The following POLD3 variants were observed in gnomAD, a reference collection of about 807,000 sequenced individuals.
POLD3 encodes the protein DNA polymerase delta subunit 3.
In POLD3, 19 loss-of-function variants were observed where a neutral mutation model predicts 58.2. That is an observed-to-expected ratio of 0.33 (90% CI 0.23 to 0.48). The LOEUF is 0.48. Among genes scored for constraint, POLD3 ranks in the 20% least tolerant of loss-of-function variants. The probability of loss-of-function intolerance (pLI) is 0.99; values close to 1 mark genes in which losing one functional copy is unlikely to be tolerated. For synonymous variants in POLD3, 172 were observed against 193.5 expected (o/e 0.89, Z 0.92); for missense variants, 504 against 545.5 (o/e 0.92, Z 0.76).
chr11:74,598,897 G>GCTCTCA (rs1390661751), intron 2 of POLD3, among the ~76,000 whole-genome samples: 1 of 152,142 alleles, frequency 6.6e-6, no homozygotes, highest in African/African-American at 2.4e-5. Flanking sequence ...TTCTCAATGA[G>GCTCTCA]AGAATGTAGA....
intron 11 of POLD3, among the ~76,000 whole-genome samples, chr11:74,637,436 T>C (rs2032780950): frequency 2.0e-4 from 1 of 4,910 alleles, no homozygotes; most frequent in Admixed American, 2.0e-3. Context: ...TTTTTCTTCC[T>C]TTTTTTTTTT....
At chr11:74,666,255 C>T (rs969026563) in intron 4 of POLD3, among the ~76,000 whole-genome samples, 1 of 152,246 alleles carries the variant, frequency 6.6e-6, no homozygotes, top group Non-Finnish European at 1.5e-5. Context: ...CAGTGGTTCA[C>T]ACCTCTAATC....
At chr11:74,653,119 T>G (rs1440265388) in intron 4 of POLD3, among the ~76,000 whole-genome samples, 1 of 152,234 alleles carries the variant, frequency 6.6e-6, no homozygotes, top group Non-Finnish European at 1.5e-5. Context: ...TTTTGTTGTT[T>G]CCTTCTGGAG....
intron 4 of POLD3, among the ~76,000 whole-genome samples, chr11:74,657,126 G>A (rs749252656): frequency 3.1e-4 from 47 of 151,470 alleles, no homozygotes; most frequent in Non-Finnish European, 5.3e-4. Flanking sequence ...CCATTCGCAT[G>A]GAATATTTTT....
intron 9 of POLD3, 144 bp from the exon 10 acceptor site, chr11:74,634,439 A>G (rs1311482697): frequency 2.5e-5 from 13 of 524,152 alleles, no homozygotes; most frequent in South Asian, 1.9e-4. Context: ...AGATAACTAT[A>G]TAACTACAGA....
chr11:74,644,850 G>A (rs143716359), downstream of POLD3, among the ~76,000 whole-genome samples: 4 of 152,188 alleles, frequency 2.6e-5, no homozygotes, highest in Admixed American at 2.0e-4. Context: ...TCATTCTTTT[G>A]GTGTTTTAGG....
rs2032934658 is a variant in POLD3 at position 74,642,325 on chromosome 11, A to G, written c.*1559A>G. 1 of 985,364 alleles carries G rather than the reference A, an allele frequency of 1.0e-6. No individual in the cohort carries two copies. The highest frequency in any genetic ancestry group is 1.7e-5 in the African/African-American group (1 of 57,358). The allele number at this position is 985,364 out of a possible 1,614,324, so 61.0% of individuals were successfully genotyped here. A position where few individuals can be genotyped will look rare whatever the true frequency, so the allele number is the denominator to read the frequency against. On this transcript the variant is annotated 3_prime_UTR_variant, in exon 12 of 12. Coordinates refer to ENST00000263681, the MANE Select transcript of POLD3 (RefSeq NM_006591.3). Reference sequence around the variant, plus strand: ...ATATTCCAAAACCCTTCTTTTTAAAAGGAAAAAGGATGGAGAGAAGGATGG... The same window carrying G: ...ATATTCCAAAACCCTTCTTTTTAAAGGGAAAAAGGATGGAGAGAAGGATGG...
At position 74,663,112 on chromosome 11, in the gene POLD3, A is replaced by G. The variant is rs1217476166; in HGVS notation, c.370-5665A>G. 3.9e-5 allele frequency among the ~76,000 whole-genome samples: 6 copies of G among 152,226 alleles called. No individual in the cohort carries two copies. In the East Asian group the frequency reaches 5.8e-4, roughly 15 times the overall value. On this transcript the variant is annotated intron_variant, in intron 4 of 4. Transcript: ENST00000524752. ...ATTGCTTACCTGATTTTTGGTTCCTATAAAGGTGCTTTTCTTATGTAAATA... is the reference window on the plus strand; with the variant it reads ...ATTGCTTACCTGATTTTTGGTTCCTGTAAAGGTGCTTTTCTTATGTAAATA...
chr11:74,604,618 A>C, intron 2 of POLD3, 74 bp from the exon 3 acceptor site: 1 of 810,546 alleles, frequency 1.2e-6, no homozygotes, highest in South Asian at 1.5e-5. Context: ...TTATCTTTTA[A>C]GTCATTAATT....
At chr11:74,592,938 G>T in intron 1 of POLD3, 1 of 1,404,542 alleles carries the variant, frequency 7.1e-7, no homozygotes, top group Non-Finnish European at 9.3e-7. Flanking sequence ...TTGGGTGGGC[G>T]TGCTGGGAAC....
At chr11:74,668,712 G>A in intron 4 of POLD3, 1 of 1,141,106 alleles carries the variant, frequency 8.8e-7, no homozygotes, top group East Asian at 5.8e-5. Flanking sequence ...AATGGGGTTA[G>A]GGGGTATAAT....
intron 2 of POLD3, among the ~76,000 whole-genome samples, chr11:74,598,668 G>A (rs982125497): frequency 6.6e-6 from 1 of 152,150 alleles, no homozygotes; most frequent in African/African-American, 2.4e-5. Context: ...TGGGCCTTTA[G>A]CTGGGGCAGT....
intron 10 of POLD3, among the ~76,000 whole-genome samples, chr11:74,635,521 A>G (rs2032723593): frequency 6.6e-6 from 1 of 152,172 alleles, no homozygotes; most frequent in African/African-American, 2.4e-5. Context: ...CTTTGTCTCT[A>G]CTTTAAAAAT....
intron 9 of POLD3, 32 bp downstream of exon 9, chr11:74,629,355 G>T (rs780415160): frequency 8.0e-7 from 1 of 1,248,380 alleles, no homozygotes; most frequent in Non-Finnish European, 1.2e-6. Flanking sequence ...GGGTTAGGGG[G>T]ATCAATTTTA....
chr11:74,663,905 G>A (rs4420291), intron 4 of POLD3, among the ~76,000 whole-genome samples: 65,402 of 151,816 alleles, frequency 0.43, 14,920 homozygotes, highest in Non-Finnish European at 0.51. Flanking sequence ...TTTATCCAGT[G>A]TATATAAAAA....
Position 74,641,596 on chromosome 11 carries a change from C to T in POLD3, c.*830C>T. 1 of 985,378 alleles carries T rather than the reference C, an allele frequency of 1.0e-6. No individual in the cohort carries two copies. Among genetic ancestry groups the T allele is most frequent in the Non-Finnish European group, 1.2e-6 (1 of 829,940 alleles). 61.0% of individuals were successfully genotyped at this position (985,378 alleles called of 1,614,324 possible). A position where few individuals can be genotyped will look rare whatever the true frequency, so the allele number is the denominator to read the frequency against. On this transcript the variant is annotated 3_prime_UTR_variant, in exon 12 of 12. Transcript: ENST00000263681. ...TTGCGGTTTGTTGATCCCCTCCTCC[C>T]CCACTCTCAATACCTAGAGAGTGAA... is the stretch of plus-strand genomic sequence containing the variant.
At chr11:74,661,512 A>T (rs1448907688) in intron 4 of POLD3, among the ~76,000 whole-genome samples, 1 of 151,618 alleles carries the variant, frequency 6.6e-6, no homozygotes, top group Non-Finnish European at 1.5e-5. Context: ...CCAGGTGGAG[A>T]CTCTTGTTCT....
chr11:74,640,874 T>C lies in POLD3; in HGVS notation c.*108T>C. On this transcript the variant is annotated 3_prime_UTR_variant, in exon 12 of 12. Transcript: ENST00000263681. The stretch of plus-strand genomic sequence containing the variant: ...CATCTAGATCTCCACCTCACCTGTA[T>C]CAAAAGACTGTTCTTTCATCCTGTG... 7.4e-7 allele frequency: 1 copy of C among 1,354,454 alleles called. No individual in the cohort carries two copies. Among genetic ancestry groups the C allele is most frequent in the Non-Finnish European group, 9.5e-7 (1 of 1,051,302 alleles). 83.9% of individuals were successfully genotyped at this position (1,354,454 alleles called of 1,614,324 possible).
At chr11:74,663,368 G>C (rs1357948217) in intron 4 of POLD3, among the ~76,000 whole-genome samples, 4 of 152,190 alleles carry the variant, frequency 2.6e-5, no homozygotes, top group African/African-American at 9.7e-5. Context: ...TGTAGAAATT[G>C]GTAAGTTGAA....
Sources: allele counts gnomAD v4.1 joint callset (sites outside exome capture counted in the v4.1 genomes callset), GRCh38; gene constraint gnomAD v4.1.1; transcripts MANE v1.5; gene names NCBI Gene and HGNC (gene_info 2026-07-23, HGNC 2026-07-21).